Variants in TTC7B observed in about 807,000 individuals in gnomAD.
The protein encoded by TTC7B is tetratricopeptide repeat domain 7B, also known as tetratricopeptide repeat protein 7B.
Under a neutral mutation model 106.8 loss-of-function variants are expected in TTC7B, and 28 were observed. The ratio of observed to expected loss-of-function variants is 0.26; its 90% confidence interval spans 0.19 to 0.36. TTC7B has a LOEUF of 0.36. Among genes scored for constraint, TTC7B ranks in the 10% least tolerant of loss-of-function variants. TTC7B has a pLI of 1.00. For synonymous variants in TTC7B, 405 were observed against 430.6 expected (o/e 0.94, Z 0.74); for missense variants, 862 against 1,076.4 (o/e 0.80, Z 2.79).
intron 17 of TTC7B, among the ~76,000 whole-genome samples, chr14:90,594,581 A>AC (rs1892125448): frequency 6.6e-6 from 1 of 152,172 alleles, no homozygotes; most frequent in South Asian, 2.1e-4. Context: ...ATTTCTATTC[A>AC]CCTGCATCAT....
chr14:90,748,481 C>T (rs1890036997), intron 3 of TTC7B, among the ~76,000 whole-genome samples: 1 of 151,994 alleles, frequency 6.6e-6, no homozygotes, highest in Non-Finnish European at 1.5e-5. Context: ...GTGCACACCA[C>T]CACACATGGC....
intron 15 of TTC7B, among the ~76,000 whole-genome samples, chr14:90,626,722 G>A (rs1471660069): frequency 1.3e-5 from 2 of 152,152 alleles, no homozygotes; most frequent in South Asian, 2.1e-4. Context: ...GCTGGAAACC[G>A]TGTCTATATG....
At chr14:90,562,994 A>G (rs1890651467) in intron 19 of TTC7B, among the ~76,000 whole-genome samples, 1 of 152,136 alleles carries the variant, frequency 6.6e-6, no homozygotes, top group Non-Finnish European at 1.5e-5. Context: ...TCTGTCTATC[A>G]GAGTCTCCTT....
At chr14:90,740,006 A>C (rs1889695179) in intron 4 of TTC7B, among the ~76,000 whole-genome samples, 1 of 152,158 alleles carries the variant, frequency 6.6e-6, no homozygotes, top group South Asian at 2.1e-4. Flanking sequence ...CTCTAATGTA[A>C]TTTATTTGGT....
At chr14:90,611,501 G>A (rs1033735437) in intron 16 of TTC7B, among the ~76,000 whole-genome samples, 10 of 152,148 alleles carry the variant, frequency 6.6e-5, no homozygotes, top group African/African-American at 9.7e-5. Context: ...GCTACATCGT[G>A]TGGTTAACTT....
chr14:90,627,104 C>T (rs1297151766), intron 15 of TTC7B, among the ~76,000 whole-genome samples: 2 of 152,100 alleles, frequency 1.3e-5, no homozygotes, highest in African/African-American at 4.8e-5. Flanking sequence ...GTCTCAGCCT[C>T]CTGAGTGGCA....
At chr14:90,563,757 A>T (rs1297547424) in intron 19 of TTC7B, among the ~76,000 whole-genome samples, 1 of 152,254 alleles carries the variant, frequency 6.6e-6, no homozygotes, top group Non-Finnish European at 1.5e-5. Context: ...TCAAGCTGAT[A>T]TAATATTCTA....
At chr14:90,761,139 A>C (rs1890486291) in intron 3 of TTC7B, among the ~76,000 whole-genome samples, 1 of 152,160 alleles carries the variant, frequency 6.6e-6, no homozygotes, top group African/African-American at 2.4e-5. Context: ...TTATAGTTTA[A>C]ATGATAATAA....
In TTC7B at chr14:90,642,882, A is replaced by C. The variant is rs117198279; in HGVS notation, c.1751+1166T>G. On this transcript the variant is annotated intron_variant, in intron 15 of 19. Coordinates refer to ENST00000328459, the MANE Select transcript of TTC7B (RefSeq NM_001010854.2). ...GATCAAAATTGCCTAAAATAGGAGA[A>C]TCACCGAGAGCTAGTGGAAGCCCTC... Among the ~76,000 whole-genome samples the C allele has an allele frequency of 1.2e-3, 177 of 152,270 alleles. 6 individuals are homozygous for C. In the East Asian group the frequency reaches 0.026, roughly 22 times the overall value.
At chr14:90,750,605 G>A (rs963287488) in intron 3 of TTC7B, among the ~76,000 whole-genome samples, 2 of 152,206 alleles carry the variant, frequency 1.3e-5, no homozygotes, top group African/African-American at 4.8e-5. Context: ...ATCCTCCACA[G>A]TGAGGAGAAA....
intron 3 of TTC7B, among the ~76,000 whole-genome samples, chr14:90,773,494 C>T (rs1017479810): frequency 1.1e-4 from 17 of 152,212 alleles, no homozygotes; most frequent in African/African-American, 3.6e-4. Context: ...TTAACCCCTC[C>T]GCAGGGAACG....
Position 90,533,474 on chromosome 14 carries a change from G to A in TTC7B, c.*7894C>T, listed in dbSNP as rs139103786. 19 of 152,704 alleles carry A rather than the reference G, an allele frequency of 1.2e-4. No individual in the cohort carries two copies. The East Asian group carries it at 3.5e-3, about 28-fold the overall frequency. The allele number at this position is 152,704 out of a possible 1,614,324, so 9.5% of individuals were successfully genotyped here. The stretch of plus-strand genomic sequence containing the variant: ...CCCAGCAGCCACTCACCCCTCGCCT[G>A]AGGATAGAAGAAAGAAGGAAAGACT... On this transcript the variant is annotated 3_prime_UTR_variant, in exon 20 of 20. Transcript: ENST00000328459.
chr14:90,655,683 C>T (rs1885918266), intron 11 of TTC7B, among the ~76,000 whole-genome samples: 1 of 152,090 alleles, frequency 6.6e-6, no homozygotes, highest in Non-Finnish European at 1.5e-5. Flanking sequence ...AGACCTGGTG[C>T]ACAATTCATT....
At chr14:90,784,255 G>A (rs940912277) in intron 2 of TTC7B, among the ~76,000 whole-genome samples, 12 of 152,036 alleles carry the variant, frequency 7.9e-5, no homozygotes, top group Admixed American at 2.0e-4. Flanking sequence ...TCATGTCATC[G>A]GTTAAGAACA....
chr14:90,702,011 G>A (rs559956423), intron 5 of TTC7B, among the ~76,000 whole-genome samples: 10 of 151,910 alleles, frequency 6.6e-5, no homozygotes, highest in Non-Finnish European at 1.5e-4. Flanking sequence ...AAACCAATCC[G>A]AACTTATCTA....
chr14:90,716,749 A>T (rs899109776), intron 5 of TTC7B, among the ~76,000 whole-genome samples: 1 of 152,204 alleles, frequency 6.6e-6, no homozygotes, highest in African/African-American at 2.4e-5. Context: ...ATAGCTTTAG[A>T]TTCTTCCTGG....
At chr14:90,770,385 G>A (rs911045779) in intron 3 of TTC7B, among the ~76,000 whole-genome samples, 8 of 152,148 alleles carry the variant, frequency 5.3e-5, no homozygotes, top group East Asian at 1.9e-4. Context: ...GGCCAGGCGC[G>A]GTGGCTCACG....
At chr14:90,783,059 G>A (rs563711329) in intron 2 of TTC7B, among the ~76,000 whole-genome samples, 174 of 152,320 alleles carry the variant, frequency 1.1e-3, no homozygotes, top group Non-Finnish European at 2.1e-3. Context: ...CTCCCTGGGC[G>A]AGTCCAGTCT....
At chr14:90,606,629 G>C (rs1595199563) in intron 17 of TTC7B, among the ~76,000 whole-genome samples, 1 of 152,144 alleles carries the variant, frequency 6.6e-6, no homozygotes, top group East Asian at 1.9e-4. Flanking sequence ...TCTTTCACTG[G>C]CTGGGACCTA....
Sources: gnomAD v4.1 joint callset for allele counts (sites outside exome capture counted in the v4.1 genomes callset) on GRCh38, gnomAD v4.1.1 for gene constraint, MANE v1.5 for transcripts, NCBI Gene and HGNC (gene_info 2026-07-23, HGNC 2026-07-21) for gene names.